HECW1: variants seen among roughly 807,000 people sequenced by gnomAD.
The protein encoded by HECW1 is HECT, C2 and WW domain containing E3 ubiquitin protein ligase 1, also known as E3 ubiquitin-protein ligase HECW1.
A neutral mutation model predicts 182.3 loss-of-function variants in HECW1; 61 were observed. The observed-to-expected ratio is 0.33, with a 90% CI of 0.27 to 0.41. The LOEUF (loss-of-function observed/expected upper bound fraction) is 0.41. HECW1 is among the 10% of genes least tolerant of loss of function. The probability of loss-of-function intolerance (pLI) is 1.00; values close to 1 mark genes in which losing one functional copy is unlikely to be tolerated. For missense variants in HECW1, 1,739 were observed against 2,108.9 expected, an observed-to-expected ratio of 0.82 and a Z score of 3.44; for synonymous variants, 859 against 832.6, an observed-to-expected ratio of 1.03 and a Z score of -0.55.
chr7:43,412,560 G>C (rs1470528724), intron 8 of HECW1, among the ~76,000 whole-genome samples: 1 of 147,376 alleles, frequency 6.8e-6, no homozygotes, highest in East Asian at 2.0e-4. Context: ...CCACTAACTC[G>C]TCATCTAGCA....
chr7:43,247,387 CCT>C (rs1228828163), intron 3 of HECW1, among the ~76,000 whole-genome samples: 3 of 152,058 alleles, frequency 2.0e-5, no homozygotes, highest in Admixed American at 6.5e-5. Context: ...GTGGCTCATG[CCT>C]GTAATCCAGC....
At chr7:43,499,346 A>G (rs1246332205) in intron 19 of HECW1, among the ~76,000 whole-genome samples, 1 of 151,958 alleles carries the variant, frequency 6.6e-6, no homozygotes, top group African/African-American at 2.4e-5. Flanking sequence ...GTGCATGCCT[A>G]TAATCCCAGC....
chr7:43,219,134 G>T (rs376240191), intron 2 of HECW1, among the ~76,000 whole-genome samples: 5 of 152,218 alleles, frequency 3.3e-5, no homozygotes, highest in African/African-American at 9.6e-5. Flanking sequence ...GCGCCATGAT[G>T]TTCTACACAT....
chr7:43,119,215 G>A (rs868110233), intron 2 of HECW1: 4 of 152,268 alleles, frequency 2.6e-5, no homozygotes, highest in Non-Finnish European at 5.9e-5. Flanking sequence ...ACTCGTTCCT[G>A]TCACTCCCCT....
rs1307137505 is a variant in HECW1 at position 43,523,110 on chromosome 7, TCTC to T, written c.4019+13992_4019+13994del. The T allele has an allele frequency of 1.0e-5, 4 of 392,220 alleles. No individual in the cohort carries two copies. In the East Asian group the frequency reaches 3.6e-4, roughly 36 times the overall value. 24.3% of individuals were successfully genotyped at this position (392,220 alleles called of 1,614,324 possible). On this transcript the variant is annotated intron_variant, in intron 24 of 29. Transcript: ENST00000395891. Reference sequence around the variant, plus strand: ...CCTCCTCCTCCCAGGTTCAAGCAATTCTCCTGCCTCAGCCTCTCAAGTAGCTGG... The same window carrying T: ...CCTCCTCCTCCCAGGTTCAAGCAATTCTGCCTCAGCCTCTCAAGTAGCTGG...
intron 19 of HECW1, among the ~76,000 whole-genome samples, chr7:43,497,839 G>T (rs984579012): frequency 2.0e-5 from 3 of 152,076 alleles, no homozygotes; most frequent in Non-Finnish European, 4.4e-5. Flanking sequence ...AGATGGGAAA[G>T]AGTGGAGGAG....
chr7:43,466,022 G>GGGAA (rs139714300), intron 14 of HECW1, among the ~76,000 whole-genome samples: 40 of 98,962 alleles, frequency 4.0e-4, no homozygotes, highest in East Asian at 3.3e-4. Context: ...GAGGGACAGA[G>GGGAA]GGAAGGAAGG....
At chr7:43,491,574 A>C (rs900370214) in intron 17 of HECW1, among the ~76,000 whole-genome samples, 2 of 152,134 alleles carry the variant, frequency 1.3e-5, no homozygotes, top group African/African-American at 4.8e-5. Context: ...TCAGTGTATT[A>C]ATTTGATTAA....
At chr7:43,311,670 G>T in intron 3 of HECW1, 93 bp from the exon 4 acceptor site, 1 of 1,138,768 alleles carries the variant, frequency 8.8e-7, no homozygotes, top group Non-Finnish European at 1.3e-6. Flanking sequence ...CTCACAGCGC[G>T]TGTCTCCCAG....
At chr7:43,546,212 C>T (rs1444711733) in intron 26 of HECW1, among the ~76,000 whole-genome samples, 1 of 149,816 alleles carries the variant, frequency 6.7e-6, no homozygotes, top group African/African-American at 2.5e-5. Flanking sequence ...AACCCTTTAC[C>T]CCCAACCTTT....
chr7:43,349,907 A>G (rs1814195169), intron 5 of HECW1, among the ~76,000 whole-genome samples: 2 of 152,014 alleles, frequency 1.3e-5, no homozygotes, highest in Admixed American at 6.6e-5. Context: ...TTGCCTGTGT[A>G]CTTTGTTTTT....
chr7:43,484,680 TA>T, intron 17 of HECW1: 1 of 152,364 alleles, frequency 6.6e-6, no homozygotes, highest in South Asian at 2.1e-4. Context: ...GAAACATTGT[TA>T]AAAATATTTT....
At position 43,319,601 on chromosome 7, in the gene HECW1, C is replaced by CTTTTTTTTTTTTTTTTTTTTTTT. The variant is rs796502195; in HGVS notation, c.353-1032_353-1010dup. Among the ~76,000 whole-genome samples, 9 of 47,438 alleles carry CTTTTTTTTTTTTTTTTTTTTTTT rather than the reference C, an allele frequency of 1.9e-4. 1 individual carries two copies. The highest frequency in any genetic ancestry group is 1.1e-3 in the African/African-American group (9 of 7,880). 31.1% of individuals were successfully genotyped at this position (47,438 alleles called of 152,430 possible). ...CTGTTCTTTTCCTTTCTTTTCTTTT[C>CTTTTTTTTTTTTTTTTTTTTTTT]TTTTTTTTTTTTTTTTTTTTTTTTG... On this transcript the variant is annotated intron_variant, in intron 4 of 29. Transcript: ENST00000395891.
At chr7:43,463,236 C>T (rs1312223338) in intron 13 of HECW1, among the ~76,000 whole-genome samples, 2 of 152,164 alleles carry the variant, frequency 1.3e-5, no homozygotes, top group Non-Finnish European at 2.9e-5. Flanking sequence ...TATCAATTAC[C>T]CGACAAATAA....
At chr7:43,263,462 G>A (rs1175854632) in intron 3 of HECW1, among the ~76,000 whole-genome samples, 1 of 152,168 alleles carries the variant, frequency 6.6e-6, no homozygotes, top group East Asian at 1.9e-4. Flanking sequence ...CCAGTTTCAA[G>A]CAATTCTCAT....
At position 43,280,104 on chromosome 7, in the gene HECW1, T is replaced by A. The variant is rs1803696945; in HGVS notation, c.28-31659T>A. On this transcript the variant is annotated intron_variant, in intron 3 of 29. Coordinates refer to ENST00000395891, the MANE Select transcript of HECW1 (RefSeq NM_015052.5). ...AAGGGACCCTGGATCCTCTGATAAA[T>A]CTCTGTCCCAGATGCTGGGTCAGGA... is the stretch of plus-strand genomic sequence containing the variant. 2.6e-5 allele frequency among the ~76,000 whole-genome samples: 4 copies of A among 152,222 alleles called. No individual in the cohort carries two copies. In the South Asian group the frequency reaches 8.3e-4, roughly 32 times the overall value.
At chr7:43,529,851 A>T (rs1238142126) in intron 24 of HECW1, among the ~76,000 whole-genome samples, 1 of 152,086 alleles carries the variant, frequency 6.6e-6, no homozygotes, top group Non-Finnish European at 1.5e-5. Flanking sequence ...CTGAAGTCTG[A>T]TTTCAGTAAT....
intron 2 of HECW1, among the ~76,000 whole-genome samples, chr7:43,145,143 G>C (rs1788561589): frequency 6.6e-6 from 1 of 151,960 alleles, no homozygotes; most frequent in African/African-American, 2.4e-5. Flanking sequence ...TACTTTTTAA[G>C]GTATTTTTCC....
chr7:43,175,794 T>C (rs1284048059), intron 2 of HECW1, among the ~76,000 whole-genome samples: 2 of 152,190 alleles, frequency 1.3e-5, no homozygotes, highest in Non-Finnish European at 2.9e-5. Context: ...CTTTGATAAA[T>C]GCAGCCTTCA....
Sources: gnomAD v4.1 joint callset for allele counts (sites outside exome capture counted in the v4.1 genomes callset) on GRCh38, gnomAD v4.1.1 for gene constraint, MANE v1.5 for transcripts, NCBI Gene and HGNC (gene_info 2026-07-23, HGNC 2026-07-21) for gene names.